The following USP40 variants were observed in gnomAD, a reference collection of about 807,000 sequenced individuals.
The protein encoded by USP40 is ubiquitin carboxyl-terminal hydrolase 40.
Under a neutral mutation model 166.2 loss-of-function variants are expected in USP40, and 143 were observed. The observed-to-expected ratio is 0.86, with a 90% CI of 0.75 to 0.99. The LOEUF (loss-of-function observed/expected upper bound fraction) is 0.99. Among genes scored for constraint, USP40 ranks in the 50% least tolerant of loss-of-function variants. USP40 has a pLI of 0.00. For synonymous variants in USP40, 498 were observed against 524.0 expected, an observed-to-expected ratio of 0.95 and a Z score of 0.68; for missense variants, 1,444 against 1,479.7, an observed-to-expected ratio of 0.98 and a Z score of 0.40.
chr2:233,540,123 C>CAAAAAAAAAAAA (rs74742520), intron 10 of USP40, among the ~76,000 whole-genome samples: 13 of 49,826 alleles, frequency 2.6e-4, no homozygotes, highest in East Asian at 5.6e-4. Context: ...GACCTCAACT[C>CAAAAAAAAAAAA]AAAAAAAAAA....
intron 20 of USP40, 136 bp from the exon 21 acceptor site, chr2:233,510,271 G>A (rs752089185): frequency 2.8e-5 from 18 of 632,580 alleles, no homozygotes; most frequent in South Asian, 1.0e-4. Flanking sequence ...ATGAAAATAC[G>A]ACTATGATTA....
rs1324473701 is a variant in USP40 at position 233,562,747 on chromosome 2, G to T, written c.256C>A (p.Pro86Thr). 1.3e-6 allele frequency: 2 copies of T among 1,532,052 alleles called. No individual in the cohort carries two copies. Among genetic ancestry groups the T allele is most frequent in the Non-Finnish European group, 1.8e-6 (2 of 1,136,914 alleles). 94.9% of individuals were successfully genotyped at this position (1,532,052 alleles called of 1,614,324 possible). A position where few individuals can be genotyped will look rare whatever the true frequency, so the allele number is the denominator to read the frequency against. Residue 86 changes from proline (P) to threonine (T), a missense_variant, in exon 3 of 32, where the codon CCC (proline) becomes ACC (threonine). Pro to Thr is a conservative substitution (Grantham distance 38). Coordinates refer to ENST00000678225, the MANE Select transcript of USP40 (RefSeq NM_001365479.2). ...ELGLFEDKDK[P>T]DAKVRIIPLQ... ...AATAATAAAAATACCTTTGCATCGG[G>T]TTTATCCTTATCTTCAAACAAACCA...
chr2:233,563,757 T>C (rs1047385477), intron 2 of USP40, among the ~76,000 whole-genome samples: 2 of 152,142 alleles, frequency 1.3e-5, no homozygotes, highest in African/African-American at 4.8e-5. Flanking sequence ...TCAGTCACCA[T>C]CAGGATTCAG....
chr2:233,508,571 T>C (rs1013058237), intron 21 of USP40, among the ~76,000 whole-genome samples: 1 of 152,240 alleles, frequency 6.6e-6, no homozygotes, highest in Non-Finnish European at 1.5e-5. Flanking sequence ...TTCTATGTTG[T>C]CTGAGTGTTG....
intron 21 of USP40, among the ~76,000 whole-genome samples, chr2:233,501,320 C>T (rs554027635): frequency 8.3e-4 from 127 of 152,246 alleles, no homozygotes; most frequent in Admixed American, 8.2e-3. Flanking sequence ...GAAAATATAA[C>T]AAAAATGATA....
At chr2:233,540,424 G>A (rs1226543918) in intron 10 of USP40, among the ~76,000 whole-genome samples, 1 of 152,030 alleles carries the variant, frequency 6.6e-6, no homozygotes, top group Non-Finnish European at 1.5e-5. Context: ...TTTAGGGGAT[G>A]AACTCTGACA....
chr2:233,502,254 T>A (rs775817470), intron 21 of USP40, among the ~76,000 whole-genome samples: 11 of 152,136 alleles, frequency 7.2e-5, no homozygotes, highest in Non-Finnish European at 5.9e-5. Flanking sequence ...AAAAGGCCAG[T>A]AAAAAACTGG....
intron 21 of USP40, 46 bp downstream of exon 21, chr2:233,510,003 A>G: frequency 6.9e-7 from 1 of 1,453,028 alleles, no homozygotes; most frequent in Non-Finnish European, 9.5e-7. Context: ...CACAGCAAAC[A>G]TACAAACACA....
In USP40 at chr2:233,523,361, A is replaced by C. The variant is rs2067792510; in HGVS notation, c.2010T>G (p.Ala670=). Residue 670 remains alanine (A), a synonymous_variant, in exon 16 of 32, where the codon GCT becomes GCG. Coordinates refer to ENST00000678225, the MANE Select transcript of USP40 (RefSeq NM_001365479.2). ...TGAGGACAGTGCCCACTTCTGCATTAGCTGGAAAGACATGTGGAGATTCTA... is the reference window on the plus strand; with the variant it reads ...TGAGGACAGTGCCCACTTCTGCATTCGCTGGAAAGACATGTGGAGATTCTA... ...QVIESPHVFP[A]NAEVGTVLTA... The C allele has an allele frequency of 6.2e-7, 1 of 1,614,054 alleles. No homozygotes were observed. Among genetic ancestry groups the C allele is most frequent in the Middle Eastern group, 1.6e-4 (1 of 6,062 alleles).
chr2:233,524,435 G>T (rs6746234), intron 15 of USP40, 57 bp downstream of exon 15: 10 of 1,499,308 alleles, frequency 6.7e-6, no homozygotes, highest in Non-Finnish European at 9.1e-6. Flanking sequence ...CGGCCATTAC[G>T]ATGACTTTTA....
intron 19 of USP40, 191 bp downstream of exon 19, chr2:233,512,378 T>C (rs905358459): frequency 1.4e-5 from 5 of 356,178 alleles, no homozygotes; most frequent in Non-Finnish European, 2.6e-5. Flanking sequence ...TGGTGTTTCA[T>C]TTAGAAAACA....
At chr2:233,484,459 A>G (rs1267043763) in intron 30 of USP40, among the ~76,000 whole-genome samples, 1 of 150,362 alleles carries the variant, frequency 6.7e-6, no homozygotes, top group Admixed American at 6.6e-5. Context: ...TTATCTGTGT[A>G]GTCTTTTGAA....
At chr2:233,537,468 A>G (rs1162095466) in intron 10 of USP40, among the ~76,000 whole-genome samples, 1 of 152,218 alleles carries the variant, frequency 6.6e-6, no homozygotes, top group Non-Finnish European at 1.5e-5. Context: ...AAAAATACTT[A>G]GCAATAGAAT....
chr2:233,487,993 G>A (rs1473279437), intron 28 of USP40: 1 of 664,114 alleles, frequency 1.5e-6, no homozygotes, highest in Non-Finnish European at 2.8e-6. Context: ...GGCCATCATG[G>A]GGTCAATATG....
At chr2:233,507,201 G>A (rs940847428) in intron 21 of USP40, among the ~76,000 whole-genome samples, 1 of 151,984 alleles carries the variant, frequency 6.6e-6, no homozygotes, top group African/African-American at 2.4e-5. Flanking sequence ...TGGTGAAAAG[G>A]GAACATTTAT....
intron 16 of USP40, among the ~76,000 whole-genome samples, chr2:233,522,530 AC>A (rs2067728382): frequency 6.6e-6 from 1 of 152,212 alleles, no homozygotes; most frequent in African/African-American, 2.4e-5. Context: ...CACTGAGAAA[AC>A]AGGGAGCTTG....
intron 21 of USP40, among the ~76,000 whole-genome samples, chr2:233,502,910 G>A (rs2066174609): frequency 6.6e-6 from 1 of 151,508 alleles, no homozygotes; most frequent in African/African-American, 2.4e-5. Context: ...CCATAAAATT[G>A]GAAAAAGTAA....
intron 1 of USP40, 68 bp downstream of exon 1, chr2:233,566,615 TG>T: frequency 1.1e-6 from 1 of 897,076 alleles, no homozygotes; most frequent in Non-Finnish European, 1.3e-6. Flanking sequence ...CTCCTCAGAC[TG>T]GGCCACCAAC....
Position 233,485,763 on chromosome 2 carries a change from TTACCCAGCTAGA to T in USP40, c.3400_3408+3del. The T allele has an allele frequency of 2.5e-6, 4 of 1,612,948 alleles. No individual in the cohort carries two copies. The highest frequency in any genetic ancestry group is 1.6e-4 in the Middle Eastern group (1 of 6,062). ...ATTTCTCTGAGACAGCCCCACAACT[TTACCCAGCTAGA>T]TATCGGAAGCCACTCGAACTTTTCG... On this transcript the variant is annotated splice_donor_variant and splice_donor_region_variant and coding_sequence_variant and intron_variant, in exon 29 of 32. Transcript: ENST00000678225. LOFTEE classifies it high-confidence loss of function.
Sources: allele counts gnomAD v4.1 joint callset (sites outside exome capture counted in the v4.1 genomes callset), GRCh38; gene constraint gnomAD v4.1.1; transcripts MANE v1.5; gene names NCBI Gene and HGNC (gene_info 2026-07-23, HGNC 2026-07-21).